LRRC7: variants seen among roughly 807,000 people sequenced by gnomAD.
LRRC7 encodes the protein leucine-rich repeat-containing protein 7.
In LRRC7, 23 loss-of-function variants were observed where a neutral mutation model predicts 175.7. That is an observed-to-expected ratio of 0.13 (90% confidence interval 0.09 to 0.19). The LOEUF is 0.19. Among genes scored for constraint, LRRC7 ranks in the 10% least tolerant of loss-of-function variants. The pLI is 1.00. For synonymous variants in LRRC7, 685 were observed against 680.9 expected (o/e 1.01, Z -0.09); for missense variants, 1,354 against 1,904.7 (o/e 0.71, Z 5.38).
At chr1:70,087,019 T>C (rs1240145622) in intron 24 of LRRC7, among the ~76,000 whole-genome samples, 1 of 152,210 alleles carries the variant, frequency 6.6e-6, no homozygotes, top group Non-Finnish European at 1.5e-5. Flanking sequence ...CTATTAGCCA[T>C]ACCTTGGCAT....
rs1646232805 is a variant in LRRC7, at chr1:69,904,450, A to AT, written c.648-27055dup. Among the ~76,000 whole-genome samples the AT allele has an allele frequency of 2.6e-5, 4 of 152,310 alleles. No individual in the cohort carries two copies. The South Asian group carries it at 8.3e-4, about 32-fold the overall frequency. On this transcript the variant is annotated intron_variant, in intron 7 of 26. Transcript: ENST00000651989. ...AAATCACTCTGATATCCACAGAATA[A>AT]TTGATGAAAAAACCATGCAAATGGA...
intron 2 of LRRC7, 35 bp downstream of exon 2, chr1:69,678,513 A>G: frequency 4.7e-6 from 7 of 1,504,714 alleles, no homozygotes; most frequent in Non-Finnish European, 6.4e-6. Flanking sequence ...TGTGTTCTAG[A>G]TAGATTTTGG....
intron 7 of LRRC7, among the ~76,000 whole-genome samples, chr1:69,897,430 A>C (rs1239057945): frequency 6.6e-6 from 1 of 152,020 alleles, no homozygotes; most frequent in Admixed American, 6.5e-5. Flanking sequence ...CACAGCACTT[A>C]CCACCATTCT....
intron 1 of LRRC7, among the ~76,000 whole-genome samples, chr1:69,617,547 T>TAAAAAAAAAAAAAAAAAAAAAACAAAA (rs1649837461): frequency 1.6e-5 from 1 of 62,008 alleles, no homozygotes; most frequent in Non-Finnish European, 3.0e-5. Context: ...ATACTCACAG[T>TAAAAAAAAAAAAAAAAAAAAAACAAAA]AAAAAAAAAA....
chr1:69,815,477 C>G (rs1169512252), intron 4 of LRRC7, among the ~76,000 whole-genome samples: 1 of 152,048 alleles, frequency 6.6e-6, no homozygotes, highest in Non-Finnish European at 1.5e-5. Context: ...AACAAGGCAA[C>G]TTTAAAAAAT....
At chr1:69,652,839 T>C (rs1460354937) in intron 1 of LRRC7, among the ~76,000 whole-genome samples, 1 of 152,138 alleles carries the variant, frequency 6.6e-6, no homozygotes, top group African/African-American at 2.4e-5. Context: ...CACTCATATA[T>C]GTTCAAATGA....
At chr1:70,118,557 A>G (rs1313800493) in intron 26 of LRRC7, among the ~76,000 whole-genome samples, 1 of 152,172 alleles carries the variant, frequency 6.6e-6, no homozygotes, top group Non-Finnish European at 1.5e-5. Context: ...TATCATGTCC[A>G]GTGAAATGTC....
intron 5 of LRRC7, among the ~76,000 whole-genome samples, chr1:69,828,760 G>GAAGATGT (rs1318547058): frequency 1.3e-5 from 2 of 151,934 alleles, no homozygotes; most frequent in African/African-American, 4.8e-5. Flanking sequence ...CTGCATAAAT[G>GAAGATGT]AAGATGTTTT....
intron 2 of LRRC7, among the ~76,000 whole-genome samples, chr1:69,700,159 C>T (rs1663165195): frequency 1.3e-5 from 2 of 152,114 alleles, no homozygotes; most frequent in Admixed American, 1.3e-4. Context: ...ACTTAGCTAG[C>T]ACAAAACAGT....
intron 9 of LRRC7, among the ~76,000 whole-genome samples, chr1:69,985,694 G>A (rs1194103223): frequency 6.6e-6 from 1 of 152,144 alleles, no homozygotes; most frequent in Non-Finnish European, 1.5e-5. Flanking sequence ...CTATGGATTT[G>A]CATATTCTGG....
intron 23 of LRRC7, among the ~76,000 whole-genome samples, chr1:70,060,675 T>C (rs970082873): frequency 1.3e-5 from 2 of 152,178 alleles, no homozygotes; most frequent in East Asian, 3.9e-4. Flanking sequence ...AAGAAGCAGA[T>C]ATGAAAATCA....
At chr1:69,964,662 C>T (rs1050006960) in intron 8 of LRRC7, among the ~76,000 whole-genome samples, 10 of 152,152 alleles carry the variant, frequency 6.6e-5, no homozygotes, top group African/African-American at 2.4e-4. Flanking sequence ...TTAGACAGAT[C>T]TAATTGGGAA....
intron 4 of LRRC7, among the ~76,000 whole-genome samples, chr1:69,819,855 G>T (rs951241050): frequency 1.3e-5 from 2 of 152,150 alleles, no homozygotes; most frequent in Admixed American, 1.3e-4. Context: ...TCTGAAATAA[G>T]TACAGATACT....
rs778110082 is a variant in LRRC7 at position 70,038,904 on chromosome 1, A to T, written c.3080A>T (p.His1027Leu). The change falls in exon 21 of 27, where the codon CAT (histidine) becomes CTT (leucine). Residue 1027 changes from histidine (H) to leucine (L), a missense_variant. By Grantham distance (99) the His-to-Leu change is moderately conservative (BLOSUM62 -3). Around this residue, in one of 4 missense-constraint regions of LRRC7, gnomAD observed 1,032 missense variants for 1,227.2 expected, o/e 0.84. Transcript: ENST00000651989. ...ERPDKMLGPE[H>L]GMSSMSRSQS... ...CCGGATAAGATGCTGGGACCAGAGC[A>T]TGGTATGTCCAGTATGTCTCGAAGC... The T allele has an allele frequency of 6.2e-7, 1 of 1,614,054 alleles. No individual in the cohort carries two copies.
At chr1:69,709,414 T>G (rs1664463815) in intron 2 of LRRC7, among the ~76,000 whole-genome samples, 1 of 152,092 alleles carries the variant, frequency 6.6e-6, no homozygotes. Context: ...CTAGCTGTAG[T>G]AGGAGGTGGG....
intron 2 of LRRC7, among the ~76,000 whole-genome samples, chr1:69,694,404 T>C (rs1338221542): frequency 6.6e-6 from 1 of 152,200 alleles, no homozygotes; most frequent in Non-Finnish European, 1.5e-5. Flanking sequence ...TCCATAGCTT[T>C]AAAAGGCTGA....
chr1:69,612,051 AC>A (rs1648846302), intron 1 of LRRC7, among the ~76,000 whole-genome samples: 1 of 152,006 alleles, frequency 6.6e-6, no homozygotes. Flanking sequence ...AATTTCCTTC[AC>A]GATTTTCCCT....
chr1:69,782,169 G>T (rs891827526), intron 3 of LRRC7, among the ~76,000 whole-genome samples: 4 of 152,124 alleles, frequency 2.6e-5, no homozygotes, highest in African/African-American at 9.7e-5. Flanking sequence ...TTGCACCTAT[G>T]TAATAGGCAC....
At chr1:69,710,153 T>C (rs1796972) in intron 2 of LRRC7, among the ~76,000 whole-genome samples, 66,586 of 151,084 alleles carry the variant, frequency 0.44, 14,903 homozygotes, top group Admixed American at 0.5. Context: ...TGATGGGTGC[T>C]TGTAGTCCCA....
Sources: allele counts gnomAD v4.1 joint callset (sites outside exome capture counted in the v4.1 genomes callset), GRCh38; gene constraint gnomAD v4.1.1; regional missense constraint gnomAD v4.1.1; transcripts MANE v1.5; gene names NCBI Gene and HGNC (gene_info 2026-07-23, HGNC 2026-07-21).